Variants in PGBD5 observed in about 807,000 individuals in gnomAD.
The protein encoded by PGBD5 is piggyBac transposable element-derived protein 5.
PGBD5 carries 14 observed loss-of-function variants against 47.9 expected under a neutral mutation model. That is an observed-to-expected ratio of 0.29 (90% confidence interval 0.19 to 0.46). The LOEUF is 0.46. Ranked by LOEUF, PGBD5 falls within the 20% of genes least tolerant of loss-of-function variation. The pLI is 1.00. For synonymous variants in PGBD5, 316 were observed against 306.3 expected (o/e 1.03, Z -0.33); for missense variants, 635 against 716.0 (o/e 0.89, Z 1.29).
At chr1:230,384,269 G>A (rs969740189) in intron 1 of PGBD5, among the ~76,000 whole-genome samples, 2 of 152,178 alleles carry the variant, frequency 1.3e-5, no homozygotes, top group African/African-American at 4.8e-5. Flanking sequence ...TTTCAATGTT[G>A]TGACTCTGGA....
chr1:230,396,135 C>A (rs977346180), intron 1 of PGBD5, among the ~76,000 whole-genome samples: 5 of 142,940 alleles, frequency 3.5e-5, no homozygotes, highest in Admixed American at 6.9e-5. Context: ...CCCTTTACCC[C>A]CCATACTCAT....
intron 4 of PGBD5, among the ~76,000 whole-genome samples, chr1:230,335,773 A>ATG (rs1455996484): frequency 1.4e-4 from 18 of 128,470 alleles, no homozygotes; most frequent in East Asian, 2.6e-4. Flanking sequence ...AGATACAGAC[A>ATG]GACACACACA....
intron 5 of PGBD5, among the ~76,000 whole-genome samples, chr1:230,330,319 C>T (rs1270087362): frequency 6.6e-6 from 1 of 152,222 alleles, no homozygotes; most frequent in Non-Finnish European, 1.5e-5. Context: ...CACCAGAAAC[C>T]TTGACATCGT....
At chr1:230,363,399 T>C (rs1667780080) in intron 1 of PGBD5, among the ~76,000 whole-genome samples, 1 of 152,088 alleles carries the variant, frequency 6.6e-6, no homozygotes, top group Admixed American at 6.5e-5. Context: ...CTGGCCAATA[T>C]GGTGAAATCC....
At chr1:230,387,452 C>T (rs1319574908) in intron 1 of PGBD5, among the ~76,000 whole-genome samples, 1 of 152,136 alleles carries the variant, frequency 6.6e-6, no homozygotes, top group Admixed American at 6.5e-5. Context: ...TGGGGAAGCG[C>T]CTGTGGCCTC....
chr1:230,340,367 AATC>A (rs976093746), intron 3 of PGBD5, among the ~76,000 whole-genome samples: 1 of 152,194 alleles, frequency 6.6e-6, no homozygotes, highest in Non-Finnish European at 1.5e-5. Context: ...TACTTTAAAA[AATC>A]ATCATGTAGA....
In PGBD5 at chr1:230,390,757, T is replaced by C. The variant is rs536485412; in HGVS notation, c.332-33436A>G. Among the ~76,000 whole-genome samples, 5 of 152,132 alleles carry C rather than the reference T, an allele frequency of 3.3e-5. No individual in the cohort carries two copies. In the East Asian group the frequency reaches 9.7e-4, roughly 29 times the overall value. ...TCATTGCCAGTTTTTTTTGTTTGTT[T>C]GTTTTTGAGATGGAGTCTCAAAAAA... On this transcript the variant is annotated intron_variant, in intron 1 of 6. Coordinates refer to ENST00000391860, the MANE Select transcript of PGBD5 (RefSeq NM_001258311.2).
chr1:230,320,462 T>C lies in PGBD5; in HGVS notation c.*2963A>G, dbSNP rs1667018112. The C allele has an allele frequency of 6.6e-6, 1 of 152,178 alleles. No homozygotes were observed. The highest frequency in any genetic ancestry group is 1.5e-5 in the Non-Finnish European group (1 of 68,048). 9.4% of individuals were successfully genotyped at this position (152,178 alleles called of 1,614,324 possible). A position where few individuals can be genotyped will look rare whatever the true frequency, so the allele number is the denominator to read the frequency against. ...TAAGGCTGGGAAGCTCATTGCTCCA[T>C]CTTTTTTTTCCAGAGCCTGCAGCAG... On this transcript the variant is annotated 3_prime_UTR_variant, in exon 7 of 7. Transcript: ENST00000391860.
chr1:230,390,741 G>GT (rs915403950), intron 1 of PGBD5, among the ~76,000 whole-genome samples: 3 of 151,944 alleles, frequency 2.0e-5, no homozygotes, highest in East Asian at 3.9e-4. Flanking sequence ...CTCATTGCCA[G>GT]TTTTTTTTGT....
Position 230,315,865 on chromosome 1 carries a change from T to C in PGBD5, c.*7560A>G, listed in dbSNP as rs192322023. The C allele has an allele frequency of 1.3e-5, 2 of 150,086 alleles. No homozygotes were observed. The highest frequency in any genetic ancestry group is 6.7e-5 in the Admixed American group (1 of 14,978). The allele number at this position is 150,086 out of a possible 1,614,324, so 9.3% of individuals were successfully genotyped here. Reference sequence around the variant, plus strand: ...ATGCATATCTGTATACATGTGTATATATATACATATATGGATACATACATA... The same window carrying C: ...ATGCATATCTGTATACATGTGTATACATATACATATATGGATACATACATA... On this transcript the variant is annotated 3_prime_UTR_variant, in exon 7 of 7. Coordinates refer to ENST00000391860, the MANE Select transcript of PGBD5 (RefSeq NM_001258311.2).
chr1:230,396,240 TC>T (rs747650283), intron 1 of PGBD5, among the ~76,000 whole-genome samples: 1,099 of 10,016 alleles, frequency 0.11, 41 homozygotes, highest in East Asian at 0.38. Context: ...ACCCCCACAC[TC>T]CTCCCTTTTA....
rs1393803506 is a variant in PGBD5 at position 230,337,105 on chromosome 1, A to G, written c.1075+3T>C. On this transcript the variant is annotated splice_donor_region_variant and intron_variant, in intron 4 of 6. Coordinates refer to ENST00000391860, the MANE Select transcript of PGBD5 (RefSeq NM_001258311.2). ...ATCCTCACTGGCTCCCCACTTGACTAACCTTGCTTCTCAAACTCTTCAAAC... is the reference window on the plus strand; with the variant it reads ...ATCCTCACTGGCTCCCCACTTGACTGACCTTGCTTCTCAAACTCTTCAAAC... 6.2e-7 allele frequency: 1 copy of G among 1,613,196 alleles called. No homozygotes were observed. Among genetic ancestry groups the G allele is most frequent in the East Asian group, 2.2e-5 (1 of 44,866 alleles).
intron 3 of PGBD5, among the ~76,000 whole-genome samples, chr1:230,338,053 A>G (rs1033214225): frequency 2.6e-5 from 4 of 152,256 alleles, no homozygotes; most frequent in Non-Finnish European, 5.9e-5. Context: ...ACGGTAAGTC[A>G]CTGCAAACCA....
At chr1:230,420,656 T>A (rs1174040167) in intron 1 of PGBD5, among the ~76,000 whole-genome samples, 1 of 152,180 alleles carries the variant, frequency 6.6e-6, no homozygotes, top group Non-Finnish European at 1.5e-5. Context: ...CCATGTAAGA[T>A]GTGACTTGCT....
chr1:230,405,378 T>C (rs1279476100), intron 1 of PGBD5, among the ~76,000 whole-genome samples: 1 of 152,134 alleles, frequency 6.6e-6, no homozygotes, highest in Non-Finnish European at 1.5e-5. Flanking sequence ...GAAGAAGGCG[T>C]GGATGATCCA....
rs1448431443 is a variant in PGBD5, at chr1:230,316,259, G to A, written c.*7166C>T. 1 of 153,052 alleles carries A rather than the reference G, an allele frequency of 6.5e-6. No homozygotes were observed. Among genetic ancestry groups the A allele is most frequent in the East Asian group, 1.9e-4 (1 of 5,170 alleles). The allele number at this position is 153,052 out of a possible 1,614,324, so 9.5% of individuals were successfully genotyped here. A position where few individuals can be genotyped will look rare whatever the true frequency, so the allele number is the denominator to read the frequency against. On this transcript the variant is annotated 3_prime_UTR_variant, in exon 7 of 7. Coordinates refer to ENST00000391860, the MANE Select transcript of PGBD5 (RefSeq NM_001258311.2). ...ACATATGTGTATATATGTATTAAGT[G>A]GACATTGTACTTCTGATGTGGATAC...
At chr1:230,417,212 C>A (rs1657538556) in intron 1 of PGBD5, among the ~76,000 whole-genome samples, 2 of 152,102 alleles carry the variant, frequency 1.3e-5, no homozygotes, top group Non-Finnish European at 2.9e-5. Flanking sequence ...CCCCCAAGAT[C>A]ATGTTGTATT....
intron 1 of PGBD5, among the ~76,000 whole-genome samples, chr1:230,402,810 A>G (rs539607747): frequency 6.6e-6 from 1 of 152,304 alleles, no homozygotes; most frequent in South Asian, 2.1e-4. Flanking sequence ...ATATGTCTCA[A>G]TGATTATATA....
intron 1 of PGBD5, chr1:230,377,424 T>C (rs1668030173): frequency 1.4e-6 from 2 of 1,462,664 alleles, no homozygotes; most frequent in Non-Finnish European, 1.9e-6. Flanking sequence ...ATGATGATGA[T>C]GAAGATGCCA....
Sources: gnomAD v4.1 joint callset for allele counts (sites outside exome capture counted in the v4.1 genomes callset) on GRCh38, gnomAD v4.1.1 for gene constraint, MANE v1.5 for transcripts, NCBI Gene and HGNC (gene_info 2026-07-23, HGNC 2026-07-21) for gene names.